The following CYP4X1 variants were observed in gnomAD, a reference collection of about 807,000 sequenced individuals.
CYP4X1 encodes cytochrome P450 4X1.
Under a neutral mutation model 57.9 loss-of-function variants are expected in CYP4X1, and 44 were observed. That is an observed-to-expected ratio of 0.76 (90% CI 0.60 to 0.98). The LOEUF is 0.98. Among genes scored for constraint, CYP4X1 ranks in the 50% least tolerant of loss-of-function variants. The pLI is 0.00. For missense variants in CYP4X1, 532 were observed against 623.9 expected, an observed-to-expected ratio of 0.85 and a Z score of 1.57; for synonymous variants, 227 against 228.6, an observed-to-expected ratio of 0.99 and a Z score of 0.06.
the CYP4X1 span, among the ~76,000 whole-genome samples, chr1:46,984,696 A>G: frequency 6.6e-6 from 1 of 152,270 alleles, no homozygotes; most frequent in African/African-American, 2.4e-5. Context: ...CGCTTTTCCC[A>G]CGGTCTTCGC....
chr1:47,035,773 G>A, intron 4 of CYP4X1, 33 bp from the exon 5 acceptor site: 1 of 1,597,810 alleles, frequency 6.3e-7, no homozygotes, highest in Non-Finnish European at 8.5e-7. Flanking sequence ...TCATGGTGGT[G>A]GTGATGATGT....
the CYP4X1 span, chr1:47,001,070 C>T: frequency 4.3e-5 from 10 of 233,490 alleles, no homozygotes; most frequent in Admixed American, 1.6e-4. Flanking sequence ...AATTGTTTCC[C>T]GATGCAGTTC....
At chr1:47,023,544 T>G (rs1269745913), upstream of CYP4X1, 1 of 1,205,230 alleles carries the variant, frequency 8.3e-7, no homozygotes, top group East Asian at 3.6e-5. Context: ...ACTGTTGGAC[T>G]TAAAAGAGGA....
chr1:47,019,412 T>G (rs1643973658), upstream of CYP4X1, among the ~76,000 whole-genome samples: 1 of 152,242 alleles, frequency 6.6e-6, no homozygotes, highest in African/African-American at 2.4e-5. Context: ...TATCTTGTCA[T>G]GCTTCAAAGC....
At chr1:47,053,510 T>G (rs1478876206), downstream of CYP4X1, among the ~76,000 whole-genome samples, 1 of 152,140 alleles carries the variant, frequency 6.6e-6, no homozygotes, top group African/African-American at 2.4e-5. Context: ...TCCACAATGG[T>G]TGAACTAGTT....
At chr1:47,055,227 AT>A (rs1364390104), downstream of CYP4X1, among the ~76,000 whole-genome samples, 1 of 151,998 alleles carries the variant, frequency 6.6e-6, no homozygotes, top group African/African-American at 2.4e-5. Context: ...ATGTTTATTG[AT>A]TTTCATATGT....
the CYP4X1 span, among the ~76,000 whole-genome samples, chr1:46,996,470 G>A: frequency 6.6e-6 from 1 of 152,202 alleles, no homozygotes; most frequent in Non-Finnish European, 1.5e-5. Flanking sequence ...CTCTCTATTC[G>A]GGGTGGTTTC....
the CYP4X1 span, among the ~76,000 whole-genome samples, chr1:47,008,139 C>A: frequency 1.3e-5 from 2 of 151,886 alleles, no homozygotes; most frequent in African/African-American, 2.4e-5. Context: ...ACCAAAGTTG[C>A]AATGAAGGAA....
chr1:47,039,547 C>T lies in CYP4X1; in HGVS notation c.1073+15C>T. ...TCTATCACTTGGTAAGATCTGCACC[C>T]CTAAATTTTCCTGCTAGTTTTCCCC... On this transcript the variant is annotated intron_variant, in intron 8 of 11. Coordinates refer to ENST00000371901, the MANE Select transcript of CYP4X1 (RefSeq NM_178033.2). The T allele has an allele frequency of 6.4e-7, 1 of 1,556,296 alleles. No homozygotes were observed. The highest frequency in any genetic ancestry group is 8.7e-7 in the Non-Finnish European group (1 of 1,154,760).
the CYP4X1 span, among the ~76,000 whole-genome samples, chr1:46,975,483 A>G: frequency 6.6e-6 from 1 of 151,886 alleles, no homozygotes; most frequent in African/African-American, 2.4e-5. Flanking sequence ...AGGGTGCTAA[A>G]TATACACCCC....
chr1:47,053,783 A>C (rs370084341), downstream of CYP4X1, among the ~76,000 whole-genome samples: 5 of 151,794 alleles, frequency 3.3e-5, no homozygotes, highest in Admixed American at 2.6e-4. Flanking sequence ...TTTTCTTGTA[A>C]ATTTGTTTGA....
At chr1:46,978,765 C>T in the CYP4X1 span, among the ~76,000 whole-genome samples, 2 of 151,574 alleles carry the variant, frequency 1.3e-5, no homozygotes, top group African/African-American at 4.8e-5. Flanking sequence ...CAGAAATTAC[C>T]ACAAATTGTC....
At chr1:47,050,931 A>G (rs976266803), downstream of CYP4X1, among the ~76,000 whole-genome samples, 6 of 152,208 alleles carry the variant, frequency 3.9e-5, no homozygotes, top group Non-Finnish European at 8.8e-5. Flanking sequence ...ACAAACTACC[A>G]TCACACTGAA....
the CYP4X1 span, among the ~76,000 whole-genome samples, chr1:47,011,668 T>C: frequency 6.6e-6 from 1 of 152,084 alleles, no homozygotes; most frequent in African/African-American, 2.4e-5. Context: ...ATCTGGCAAA[T>C]GGCTAATATC....
the CYP4X1 span, among the ~76,000 whole-genome samples, chr1:47,011,522 C>G: frequency 2.0e-5 from 3 of 152,094 alleles, no homozygotes; most frequent in Non-Finnish European, 4.4e-5. Context: ...ACTAAAACAC[C>G]AAAAGCAATG....
At chr1:47,046,678 T>C in intron 9 of CYP4X1, 78 bp downstream of exon 9, 2 of 1,595,572 alleles carry the variant, frequency 1.3e-6, no homozygotes, top group Non-Finnish European at 1.7e-6. Flanking sequence ...TTAGTGAGTC[T>C]CTTAGCACTT....
At chr1:46,968,685 T>TTGAGTGAGTGAGTGAG in the CYP4X1 span, among the ~76,000 whole-genome samples, 5,027 of 151,814 alleles carry the variant, frequency 0.033, 240 homozygotes, top group African/African-American at 0.1. Context: ...CACTCAGTGA[T>TTGAGTGAGTGAGTGAG]TGAGTGAGTG....
the CYP4X1 span, among the ~76,000 whole-genome samples, chr1:46,978,216 G>C: frequency 1.3e-5 from 2 of 152,050 alleles, no homozygotes. Flanking sequence ...TCAGTGTGCT[G>C]TATTGAGGAG....
At chr1:47,012,157 C>G in the CYP4X1 span, among the ~76,000 whole-genome samples, 1 of 152,150 alleles carries the variant, frequency 6.6e-6, no homozygotes, top group East Asian at 1.9e-4. Flanking sequence ...TTGGAACCAA[C>G]ACAAATGTCC....
Sources: allele counts gnomAD v4.1 joint callset (sites outside exome capture counted in the v4.1 genomes callset), GRCh38; gene constraint gnomAD v4.1.1; transcripts MANE v1.5; gene names NCBI Gene and HGNC (gene_info 2026-07-23, HGNC 2026-07-21).